Variants in CFAP157 observed in about 807,000 individuals in gnomAD.
CFAP157 encodes cilia- and flagella-associated protein 157.
A neutral mutation model predicts 57.8 loss-of-function variants in CFAP157; 43 were observed. That is an observed-to-expected ratio of 0.74 (90% CI 0.58 to 0.96). The LOEUF (loss-of-function observed/expected upper bound fraction) is 0.96, where lower values mean the gene tolerates loss of function less well. Ranked by LOEUF, CFAP157 falls within the 40% of genes least tolerant of loss-of-function variation. The probability of loss-of-function intolerance (pLI) is 0.00; values close to 1 mark genes in which losing one functional copy is unlikely to be tolerated. For missense variants in CFAP157, 606 were observed against 655.3 expected (o/e 0.92, Z 0.82); for synonymous variants, 267 against 269.0 (o/e 0.99, Z 0.07).
At chr9:127,712,389 G>A in intron 6 of CFAP157, 40 bp downstream of exon 6, 1 of 1,608,504 alleles carries the variant, frequency 6.2e-7, no homozygotes, top group Non-Finnish European at 8.5e-7. Flanking sequence ...AGGGGAGGGG[G>A]AGTGAGCGCA....
rs1842758571 is a variant in CFAP157 at position 127,711,227 on chromosome 9, A to C, written c.588-2A>C. ...CCCTTCCCCTCCCACCTTTCTGGCC[A>C]GACTGAGGAAAGAGATCATCCAGCG... On this transcript the variant is annotated splice_acceptor_variant, in intron 3 of 8. Coordinates refer to ENST00000373295, the MANE Select transcript of CFAP157 (RefSeq NM_001012502.3). LOFTEE classifies it high-confidence loss of function. The C allele has an allele frequency of 6.2e-7, 1 of 1,613,234 alleles. No homozygotes were observed. Among genetic ancestry groups the C allele is most frequent in the Non-Finnish European group, 8.5e-7 (1 of 1,179,490 alleles).
rs955285048 is a variant in CFAP157 at position 127,709,608 on chromosome 9, G to A, written c.348G>A (p.Lys116=). The change falls in exon 2 of 9, where the codon AAG becomes AAA. Residue 116 remains lysine (K), a synonymous_variant. Coordinates refer to ENST00000373295, the MANE Select transcript of CFAP157 (RefSeq NM_001012502.3). The surrounding 1 kb of genome is among the most constrained non-coding windows in gnomAD (Gnocchi z 4.7). ...QNLQLAKEME[K]DAFEAQLAQV... ...TGCAGCTAGCCAAAGAGATGGAGAA[G>A]GATGCCTTCGAGGCGCAGCTGGCCC... 9 of 1,613,874 alleles carry A rather than the reference G, an allele frequency of 5.6e-6. No homozygotes were observed. In the African/African-American group the frequency reaches 1.2e-4, roughly 22 times the overall value.
chr9:127,709,664 A>G lies in CFAP157; in HGVS notation c.404A>G (p.Asp135Gly). Residue 135 changes from aspartate to glycine, a missense_variant, in exon 2 of 9, where the codon GAC becomes GGC. By Grantham distance (94) the Asp-to-Gly change is moderately conservative. Transcript: ENST00000373295. This position sits in a 1 kb window ranked among gnomAD's most constrained non-coding sequence, Gnocchi z 4.7. ...CGCCACGAGTTCCAGGAGACCAAGG[A>G]CCAGCTCACCACGGAGAACATCATC... ...QVRHEFQETK[D>G]QLTTENIILG... The G allele has an allele frequency of 6.2e-7, 1 of 1,613,642 alleles. No individual in the cohort carries two copies. The highest frequency in any genetic ancestry group is 8.5e-7 in the Non-Finnish European group (1 of 1,179,996).
In CFAP157 at chr9:127,709,859, G is replaced by A. The variant is rs948320425; in HGVS notation, c.433+166G>A. 1.3e-5 allele frequency among the ~76,000 whole-genome samples: 2 copies of A among 152,174 alleles called. No homozygotes were observed. The highest frequency in any genetic ancestry group is 2.9e-5 in the Non-Finnish European group (2 of 68,040). On this transcript the variant is annotated intron_variant, in intron 2 of 8. Coordinates refer to ENST00000373295, the MANE Select transcript of CFAP157 (RefSeq NM_001012502.3). The surrounding 1 kb of genome is among the most constrained non-coding windows in gnomAD (Gnocchi z 4.7). ...CGAAGCTGGAAACATCCCCCAACCA[G>A]TTTGTAGACAAGGAAGCACCTCAAA...
rs746183622 is a variant in CFAP157 at position 127,712,188 on chromosome 9, T to G, written c.987-11T>G. ...GGGGAAGGCTGTTGACTCATCCCAG[T>G]TGGGGTCCAGGAGCCAGAGAGACCA... On this transcript the variant is annotated splice_polypyrimidine_tract_variant and intron_variant, in intron 5 of 8. Transcript: ENST00000373295. 13 of 1,613,654 alleles carry G rather than the reference T, an allele frequency of 8.1e-6. No individual in the cohort carries two copies. The highest frequency in any genetic ancestry group is 9.3e-6 in the Non-Finnish European group (11 of 1,179,868).
chr9:127,709,568 A>C lies in CFAP157; in HGVS notation c.308A>C (p.Glu103Ala). Residue 103 changes from glutamate (E) to alanine (A), a missense_variant, in exon 2 of 9, where the codon GAG becomes GCG. Glu to Ala is a moderately radical substitution (Grantham distance 107). Coordinates refer to ENST00000373295, the MANE Select transcript of CFAP157 (RefSeq NM_001012502.3). The surrounding 1 kb of genome is among the most constrained non-coding windows in gnomAD (Gnocchi z 4.7). ...QQVDEITDLNEQLQNLQLAKE... is the reference protein window; with the variant it reads ...QQVDEITDLNAQLQNLQLAKE... The stretch of plus-strand genomic sequence containing the variant: ...GTGGATGAGATCACAGACCTCAACG[A>C]GCAGCTCCAGAACTTGCAGCTAGCC... 2 of 1,614,112 alleles carry C rather than the reference A, an allele frequency of 1.2e-6. No homozygotes were observed. Among genetic ancestry groups the C allele is most frequent in the African/African-American group, 2.7e-5 (2 of 75,050 alleles).
At chr9:127,707,548 G>C (rs1331373808) in intron 1 of CFAP157, among the ~76,000 whole-genome samples, 1 of 152,070 alleles carries the variant, frequency 6.6e-6, no homozygotes, top group Non-Finnish European at 1.5e-5. Context: ...TGGACCCCCA[G>C]GCCCCACTTC....
At position 127,715,425 on chromosome 9, in the gene CFAP157, C is replaced by G; in HGVS notation, c.*1520C>G. 2 of 1,443,778 alleles carry G rather than the reference C, an allele frequency of 1.4e-6. No homozygotes were observed. Among genetic ancestry groups the G allele is most frequent in the Non-Finnish European group, 1.9e-6 (2 of 1,050,330 alleles). The allele number at this position is 1,443,778 out of a possible 1,614,324, so 89.4% of individuals were successfully genotyped here. ...CAAGAAGTTTGGAGCCCGTCGAGCACTGAACTCACCAGTTAAGAAAACAGA... is the reference window on the plus strand; with the variant it reads ...CAAGAAGTTTGGAGCCCGTCGAGCAGTGAACTCACCAGTTAAGAAAACAGA... On this transcript the variant is annotated 3_prime_UTR_variant, in exon 9 of 9. Transcript: ENST00000373295. This position sits in a 1 kb window ranked among gnomAD's most constrained non-coding sequence, Gnocchi z 5.8.
Position 127,715,559 on chromosome 9 carries a change from CG to C in CFAP157, c.*1660del, listed in dbSNP as rs758395587. 1 of 1,613,508 alleles carries C rather than the reference CG, an allele frequency of 6.2e-7. No homozygotes were observed. The highest frequency in any genetic ancestry group is 1.1e-5 in the South Asian group (1 of 91,076). ...CGCCACTCACCATCCACCGCTTCCCCGGGGGGCGAGGCTCCAAAACACATCG... is the reference window on the plus strand; with the variant it reads ...CGCCACTCACCATCCACCGCTTCCCCGGGGGCGAGGCTCCAAAACACATCG... On this transcript the variant is annotated 3_prime_UTR_variant, in exon 9 of 9. Transcript: ENST00000373295. The surrounding 1 kb of genome is among the most constrained non-coding windows in gnomAD (Gnocchi z 5.8).
chr9:127,709,293 G>A lies in CFAP157; in HGVS notation c.162-129G>A. The A allele has an allele frequency of 1.1e-6, 1 of 940,594 alleles. No homozygotes were observed. Among genetic ancestry groups the A allele is most frequent in the Non-Finnish European group, 1.6e-6 (1 of 632,080 alleles). The allele number at this position is 940,594 out of a possible 1,614,324, so 58.3% of individuals were successfully genotyped here. A position where few individuals can be genotyped will look rare whatever the true frequency, so the allele number is the denominator to read the frequency against. On this transcript the variant is annotated intron_variant, in intron 1 of 8. Transcript: ENST00000373295. The surrounding 1 kb of genome is among the most constrained non-coding windows in gnomAD (Gnocchi z 4.7). ...AAGGGGCATAGTGGGAGATGAGGCT[G>A]GATTCTGATCACAAGGAAACTCAAA... is the stretch of plus-strand genomic sequence containing the variant.
Position 127,714,071 on chromosome 9 carries a change from A to T in CFAP157, c.*166A>T. Reference sequence around the variant, plus strand: ...CAGTGGCTGGGTTGGTGGGCACTACAGTCAGGCAGGCAGCCATGGCCACTA... The same window carrying T: ...CAGTGGCTGGGTTGGTGGGCACTACTGTCAGGCAGGCAGCCATGGCCACTA... On this transcript the variant is annotated 3_prime_UTR_variant, in exon 9 of 9. Coordinates refer to ENST00000373295, the MANE Select transcript of CFAP157 (RefSeq NM_001012502.3). The T allele has an allele frequency of 6.2e-7, 1 of 1,606,330 alleles. No individual in the cohort carries two copies. Among genetic ancestry groups the T allele is most frequent in the Non-Finnish European group, 8.5e-7 (1 of 1,176,468 alleles).
chr9:127,714,120 C>G lies in CFAP157; in HGVS notation c.*215C>G, dbSNP rs1842839072. 1 of 1,613,178 alleles carries G rather than the reference C, an allele frequency of 6.2e-7. No homozygotes were observed. Among genetic ancestry groups the G allele is most frequent in the African/African-American group, 1.3e-5 (1 of 74,938 alleles). ...TAGTGTCACGGCCCCAGTGAGGGCC[C>G]CTGGCTTCGCTCACGGATGTGGTCC... On this transcript the variant is annotated 3_prime_UTR_variant, in exon 9 of 9. Coordinates refer to ENST00000373295, the MANE Select transcript of CFAP157 (RefSeq NM_001012502.3).
Position 127,714,135 on chromosome 9 carries a change from G to T in CFAP157, c.*230G>T. 1 of 1,613,680 alleles carries T rather than the reference G, an allele frequency of 6.2e-7. No individual in the cohort carries two copies. The highest frequency in any genetic ancestry group is 8.5e-7 in the Non-Finnish European group (1 of 1,179,958). ...AGTGAGGGCCCCTGGCTTCGCTCAC[G>T]GATGTGGTCCAAGATCAGGTCGGTG... is the stretch of plus-strand genomic sequence containing the variant. On this transcript the variant is annotated 3_prime_UTR_variant, in exon 9 of 9. Coordinates refer to ENST00000373295, the MANE Select transcript of CFAP157 (RefSeq NM_001012502.3).
Position 127,707,203 on chromosome 9 carries a change from T to G in CFAP157, c.161+11T>G. ...GGACCGGCTAGCCCGGTGCGTGGGC[T>G]GGCGGGCAGGAGTCTGGTGCCCTGG... On this transcript the variant is annotated intron_variant, in intron 1 of 8. Coordinates refer to ENST00000373295, the MANE Select transcript of CFAP157 (RefSeq NM_001012502.3). 1 of 1,608,070 alleles carries G rather than the reference T, an allele frequency of 6.2e-7. No individual in the cohort carries two copies.
chr9:127,714,492 C>T lies in CFAP157; in HGVS notation c.*587C>T. The T allele has an allele frequency of 1.4e-5, 22 of 1,602,480 alleles. No individual in the cohort carries two copies. Among genetic ancestry groups the T allele is most frequent in the Non-Finnish European group, 1.8e-5 (21 of 1,169,544 alleles). On this transcript the variant is annotated 3_prime_UTR_variant, in exon 9 of 9. Coordinates refer to ENST00000373295, the MANE Select transcript of CFAP157 (RefSeq NM_001012502.3). ...AGTGTCCTTCCACCCCTCCCTGCCCCGGCTGGGTCAGAGCAGCCCATTTCC... is the reference window on the plus strand; with the variant it reads ...AGTGTCCTTCCACCCCTCCCTGCCCTGGCTGGGTCAGAGCAGCCCATTTCC...
chr9:127,707,865 AGC>A (rs1405160885), intron 1 of CFAP157, among the ~76,000 whole-genome samples: 2 of 152,184 alleles, frequency 1.3e-5, no homozygotes, highest in Non-Finnish European at 2.9e-5. Context: ...AGTAGGCGGC[AGC>A]TCTTCCCCAG....
Position 127,711,294 on chromosome 9 carries a change from A to G in CFAP157, c.653A>G (p.Asn218Ser). The G allele has an allele frequency of 1.2e-6, 2 of 1,614,188 alleles. No individual in the cohort carries two copies. Among genetic ancestry groups the G allele is most frequent in the Non-Finnish European group, 1.7e-6 (2 of 1,180,030 alleles). Residue 218 changes from asparagine to serine, a missense_variant, in exon 4 of 9, where the codon AAC becomes AGC. By Grantham distance (46) the Asn-to-Ser change is conservative. Coordinates refer to ENST00000373295, the MANE Select transcript of CFAP157 (RefSeq NM_001012502.3). ...AATGAGTTCCACAAGGTGACCACGA[A>G]CCGGATGTGGGAGACAACCAAGCGG... ...VANEFHKVTT[N>S]RMWETTKRAI...
At chr9:127,713,299 G>C (rs993202062) in intron 8 of CFAP157, 93 bp downstream of exon 8, 1 of 976,984 alleles carries the variant, frequency 1.0e-6, no homozygotes, top group Admixed American at 3.0e-5. Context: ...GTGGCCCTGG[G>C]GATGTAACCA....
chr9:127,713,221 G>A lies in CFAP157; in HGVS notation c.1491+15G>A, dbSNP rs745344921. The stretch of plus-strand genomic sequence containing the variant: ...GCAGCCCTGAGGTGAGGGTGCCAGG[G>A]GCCCCAGGGAAAGCAAGGTGGCAGC... On this transcript the variant is annotated intron_variant, in intron 8 of 8. Coordinates refer to ENST00000373295, the MANE Select transcript of CFAP157 (RefSeq NM_001012502.3). The A allele has an allele frequency of 6.6e-6, 10 of 1,515,416 alleles. No homozygotes were observed. In the Admixed American group the frequency reaches 1.8e-4, roughly 27 times the overall value. The allele number at this position is 1,515,416 out of a possible 1,614,324, so 93.9% of individuals were successfully genotyped here. A position where few individuals can be genotyped will look rare whatever the true frequency, so the allele number is the denominator to read the frequency against.
Sources: allele counts gnomAD v4.1 joint callset (sites outside exome capture counted in the v4.1 genomes callset), GRCh38; gene constraint gnomAD v4.1.1; non-coding constraint Gnocchi (gnomAD v3.1); transcripts MANE v1.5; gene names NCBI Gene and HGNC (gene_info 2026-07-23, HGNC 2026-07-21).